GALNT9: variants seen among roughly 807,000 people sequenced by gnomAD.
The protein encoded by GALNT9 is polypeptide N-acetylgalactosaminyltransferase 9, also known as GalNAc transferase 9.
In GALNT9, 47 loss-of-function variants were observed where a neutral mutation model predicts 63.1. The observed-to-expected ratio is 0.75, with a 90% CI of 0.59 to 0.95. The LOEUF is 0.95. GALNT9 is among the 40% of genes least tolerant of loss of function. GALNT9 has a pLI of 0.00. For synonymous variants in GALNT9, 396 were observed against 365.7 expected (o/e 1.08, Z -0.94); for missense variants, 829 against 874.8 (o/e 0.95, Z 0.66).
intron 8 of GALNT9, among the ~76,000 whole-genome samples, chr12:132,199,494 G>A (rs1190873503): frequency 6.6e-6 from 1 of 152,130 alleles, no homozygotes; most frequent in Non-Finnish European, 1.5e-5. Context: ...TGGAGACTTG[G>A]CCATCACTCC....
At chr12:132,215,659 C>T (rs1877152509) in intron 6 of GALNT9, among the ~76,000 whole-genome samples, 1 of 152,252 alleles carries the variant, frequency 6.6e-6, no homozygotes, top group Non-Finnish European at 1.5e-5. Flanking sequence ...ATCATCAGGA[C>T]ACACATGCCA....
At chr12:132,247,681 T>A in intron 6 of GALNT9, 7 of 447,770 alleles carry the variant, frequency 1.6e-5, no homozygotes, top group Non-Finnish European at 1.9e-5. Context: ...CCGGATGCCG[T>A]GGCCGCACTC....
chr12:132,209,417 G>A (rs1876861464), intron 6 of GALNT9, among the ~76,000 whole-genome samples: 1 of 152,078 alleles, frequency 6.6e-6, no homozygotes, highest in African/African-American at 2.4e-5. Context: ...GGGCATGGTG[G>A]CGTGCACCTG....
chr12:132,254,031 T>C (rs897970598), intron 5 of GALNT9, among the ~76,000 whole-genome samples: 8 of 152,176 alleles, frequency 5.3e-5, no homozygotes, highest in Non-Finnish European at 1.0e-4. Context: ...TTTTCTTTTT[T>C]TTTTTTTTAG....
Position 132,247,653 on chromosome 12 carries a change from C to T in GALNT9, c.1077+257G>A, listed in dbSNP as rs369958317. 470 of 400,496 alleles carry T rather than the reference C, an allele frequency of 1.2e-3. 8 individuals are homozygous for T. The South Asian group carries it at 0.013, about 11-fold the overall frequency. 24.8% of individuals were successfully genotyped at this position (400,496 alleles called of 1,614,324 possible). A position where few individuals can be genotyped will look rare whatever the true frequency, so the allele number is the denominator to read the frequency against. ...CCCATCCCCAGACGCCATGGCCGCA[C>T]TCGCCCTCACCCCGTCCCCGGATGC... On this transcript the variant is annotated intron_variant, in intron 6 of 10. Coordinates refer to ENST00000328957, the MANE Select transcript of GALNT9 (RefSeq NM_001122636.2).
In GALNT9 at chr12:132,202,771, C is replaced by T. The variant is rs939457354; in HGVS notation, c.1263+734G>A. On this transcript the variant is annotated intron_variant, in intron 7 of 10. Transcript: ENST00000328957. ...TGGTTCCAGAGACGCTGGGGTGTGGCGGGATGGGTCGCGGCCACCCGTCTC... is the reference window on the plus strand; with the variant it reads ...TGGTTCCAGAGACGCTGGGGTGTGGTGGGATGGGTCGCGGCCACCCGTCTC... Among the ~76,000 whole-genome samples, 12 of 152,062 alleles carry T rather than the reference C, an allele frequency of 7.9e-5. No homozygotes were observed. In the Middle Eastern group the frequency reaches 0.01, roughly 129 times the overall value.
intron 1 of GALNT9, among the ~76,000 whole-genome samples, chr12:132,323,834 T>C (rs1290994483): frequency 1.3e-5 from 2 of 152,204 alleles, no homozygotes; most frequent in Non-Finnish European, 2.9e-5. Flanking sequence ...CGGAAGTTAA[T>C]GATCCGGGTG....
chr12:132,310,538 T>G lies in GALNT9; in HGVS notation c.238+18428A>C, dbSNP rs557556528. Among the ~76,000 whole-genome samples the G allele has an allele frequency of 1.2e-4, 18 of 152,274 alleles. No homozygotes were observed. In the South Asian group the frequency reaches 3.7e-3, roughly 32 times the overall value. Reference sequence around the variant, plus strand: ...GTGTCCCTGCCCCCTGAAGAGTCATTTCACACTTGGCCGCCTGCTTTCCCA... The same window carrying G: ...GTGTCCCTGCCCCCTGAAGAGTCATGTCACACTTGGCCGCCTGCTTTCCCA... On this transcript the variant is annotated intron_variant, in intron 1 of 10. Coordinates refer to ENST00000328957, the MANE Select transcript of GALNT9 (RefSeq NM_001122636.2). This position sits in a 1 kb window ranked among gnomAD's most constrained non-coding sequence, Gnocchi z 4.8.
At chr12:132,253,028 C>T (rs1878985611) in intron 5 of GALNT9, among the ~76,000 whole-genome samples, 1 of 152,140 alleles carries the variant, frequency 6.6e-6, no homozygotes, top group Non-Finnish European at 1.5e-5. Context: ...GATCACAGGA[C>T]AGGGGGCCCT....
At chr12:132,228,405 GC>G (rs1331511745) in intron 6 of GALNT9, among the ~76,000 whole-genome samples, 1 of 141,340 alleles carries the variant, frequency 7.1e-6, no homozygotes, top group Non-Finnish European at 1.6e-5. Flanking sequence ...GCGAGGCAGG[GC>G]GGCCCGTCAG....
intron 8 of GALNT9, among the ~76,000 whole-genome samples, chr12:132,199,754 C>G (rs145293262): frequency 6.6e-6 from 1 of 152,216 alleles, no homozygotes; most frequent in Non-Finnish European, 1.5e-5. Flanking sequence ...GTGTTGTCAT[C>G]GGGCAGCCAA....
At chr12:132,219,693 CGCCCGGGT>C (rs1877359866) in intron 6 of GALNT9, among the ~76,000 whole-genome samples, 1 of 151,186 alleles carries the variant, frequency 6.6e-6, no homozygotes, top group East Asian at 2.0e-4. Context: ...GGGTGACACC[CGCCCGGGT>C]AAGGGGAAGG....
chr12:132,267,798 C>CACAG (rs1487303770), intron 2 of GALNT9, among the ~76,000 whole-genome samples: 131 of 97,736 alleles, frequency 1.3e-3, no homozygotes, highest in African/African-American at 7.4e-3. Context: ...CACGCACTCA[C>CACAG]ACGCACTCAC....
chr12:132,198,837 C>T (rs907967594), intron 9 of GALNT9, among the ~76,000 whole-genome samples: 11 of 152,062 alleles, frequency 7.2e-5, no homozygotes, highest in South Asian at 2.1e-4. Context: ...TTTTTTGTAG[C>T]GACAGGGTTT....
rs1351245259 is a variant in GALNT9 at position 132,279,083 on chromosome 12, G to A, written c.419+7167C>T. On this transcript the variant is annotated intron_variant, in intron 2 of 10. Transcript: ENST00000328957. This position sits in a 1 kb window ranked among gnomAD's most constrained non-coding sequence, Gnocchi z 4.1. ...GAGGGCTAGAGAGGGCCGCGTGTGG[G>A]ACGGCAGGGGCCGACGGGGGGCTCT... The A allele has an allele frequency of 6.6e-6, 1 of 152,368 alleles. No individual in the cohort carries two copies. The highest frequency in any genetic ancestry group is 2.4e-5 in the African/African-American group (1 of 41,472). 9.4% of individuals were successfully genotyped at this position (152,368 alleles called of 1,614,324 possible).
Position 132,319,983 on chromosome 12 carries a change from G to A in GALNT9, c.238+8983C>T, listed in dbSNP as rs1555245998. 3.9e-5 allele frequency among the ~76,000 whole-genome samples: 6 copies of A among 152,110 alleles called. No individual in the cohort carries two copies. The highest frequency in any genetic ancestry group is 8.8e-5 in the Non-Finnish European group (6 of 68,012). On this transcript the variant is annotated intron_variant, in intron 1 of 10. Coordinates refer to ENST00000328957, the MANE Select transcript of GALNT9 (RefSeq NM_001122636.2). This position sits in a 1 kb window ranked among gnomAD's most constrained non-coding sequence, Gnocchi z 5.2. Reference sequence around the variant, plus strand: ...CCAGCGGCCCCCACCGCTGGGTCACGCTATCCCCTCTGCCAGAACCACTGG... The same window carrying A: ...CCAGCGGCCCCCACCGCTGGGTCACACTATCCCCTCTGCCAGAACCACTGG...
intron 1 of GALNT9, among the ~76,000 whole-genome samples, chr12:132,295,053 C>T (rs1440578913): frequency 1.3e-5 from 2 of 152,260 alleles, no homozygotes; most frequent in Non-Finnish European, 2.9e-5. Flanking sequence ...CCAAATCCCT[C>T]TAAACGCACT....
Position 132,238,236 on chromosome 12 carries a change from G to C in GALNT9, c.1077+9674C>G, listed in dbSNP as rs1878076366. Reference sequence around the variant, plus strand: ...AGGGGAGAGAGGGGGCGTCATCCCAGAGCCCATGAGGGACACGGCCGGCTG... The same window carrying C: ...AGGGGAGAGAGGGGGCGTCATCCCACAGCCCATGAGGGACACGGCCGGCTG... On this transcript the variant is annotated intron_variant, in intron 6 of 10. Coordinates refer to ENST00000328957, the MANE Select transcript of GALNT9 (RefSeq NM_001122636.2). This position sits in a 1 kb window ranked among gnomAD's most constrained non-coding sequence, Gnocchi z 6.5. 1.3e-5 allele frequency among the ~76,000 whole-genome samples: 2 copies of C among 152,126 alleles called. No individual in the cohort carries two copies. Among genetic ancestry groups the C allele is most frequent in the Non-Finnish European group, 2.9e-5 (2 of 68,024 alleles).
chr12:132,214,773 G>T (rs1046442698), intron 6 of GALNT9, among the ~76,000 whole-genome samples: 1 of 152,236 alleles, frequency 6.6e-6, no homozygotes, highest in Admixed American at 6.5e-5. Context: ...ATTGTCTCCT[G>T]GCCTGCTGGC....
Sources: gnomAD v4.1 joint callset for allele counts (sites outside exome capture counted in the v4.1 genomes callset) on GRCh38, gnomAD v4.1.1 for gene constraint, Gnocchi (gnomAD v3.1) non-coding constraint, MANE v1.5 for transcripts, NCBI Gene and HGNC (gene_info 2026-07-23, HGNC 2026-07-21) for gene names.